The following CNTLN variants were observed in gnomAD, a reference collection of about 807,000 sequenced individuals.
The protein encoded by CNTLN is centlein, centrosomal protein.
A neutral mutation model predicts 180.0 loss-of-function variants in CNTLN; 212 were observed. The ratio of observed to expected loss-of-function variants is 1.18; its 90% CI spans 1.05 to 1.32. CNTLN has a LOEUF of 1.32. Among genes scored for constraint, CNTLN ranks in the 40% most tolerant of loss-of-function variants. CNTLN has a pLI of 0.00. For synonymous variants in CNTLN, 722 were observed against 563.1 expected (o/e 1.28, Z -3.99); for missense variants, 2,095 against 1,610.9 (o/e 1.30, Z -5.14).
At chr9:17,324,892 G>C (rs1820160292) in intron 8 of CNTLN, among the ~76,000 whole-genome samples, 1 of 151,986 alleles carries the variant, frequency 6.6e-6, no homozygotes, top group South Asian at 2.1e-4. Flanking sequence ...GATGGTGATA[G>C]TTTATTTTTT....
At chr9:17,247,834 CTTT>C (rs1217713916) in intron 5 of CNTLN, among the ~76,000 whole-genome samples, 7 of 95,518 alleles carry the variant, frequency 7.3e-5, no homozygotes, top group Non-Finnish European at 1.1e-4. Flanking sequence ...TCTGTTCTTT[CTTT>C]TTTTTTTTTT....
intron 2 of CNTLN, among the ~76,000 whole-genome samples, chr9:17,154,336 T>A (rs137984894): frequency 6.6e-6 from 1 of 152,272 alleles, no homozygotes; most frequent in East Asian, 1.9e-4. Flanking sequence ...TTGGATGGGG[T>A]CTTTGAGTGG....
intron 6 of CNTLN, among the ~76,000 whole-genome samples, chr9:17,291,428 G>A (rs1000678719): frequency 7.2e-5 from 11 of 152,104 alleles, no homozygotes; most frequent in Admixed American, 4.6e-4. Flanking sequence ...CACTATTATT[G>A]TGTGGGAGTC....
rs184212398 is a variant in CNTLN at position 17,153,774 on chromosome 9, G to A, written c.449+10398G>A. 6.3e-3 allele frequency among the ~76,000 whole-genome samples: 961 copies of A among 152,190 alleles called. 6 individuals are homozygous for A. Among genetic ancestry groups the A allele is most frequent in the Admixed American group, 8.6e-3 (131 of 15,286 alleles). On this transcript the variant is annotated intron_variant, in intron 2 of 25. Transcript: ENST00000380647. ...TTTCCAACTCGGTTCCATTCTCTCCGTCACTTTCAGGTACACCAATCAAAT... is the reference window on the plus strand; with the variant it reads ...TTTCCAACTCGGTTCCATTCTCTCCATCACTTTCAGGTACACCAATCAAAT...
At position 17,321,165 on chromosome 9, in the gene CNTLN, C is replaced by T. The variant is rs190412498; in HGVS notation, c.1342-9467C>T. ...TGTTTGCTTACAGATACATATGACC[C>T]TTTAAATATATGTTAGGGAATGAGT... On this transcript the variant is annotated intron_variant, in intron 8 of 25. Transcript: ENST00000380647. 5.3e-5 allele frequency among the ~76,000 whole-genome samples: 8 copies of T among 152,156 alleles called. No homozygotes were observed. In the East Asian group the frequency reaches 1.5e-3, roughly 29 times the overall value.
intron 15 of CNTLN, among the ~76,000 whole-genome samples, chr9:17,398,668 T>C (rs1023210611): frequency 3.3e-5 from 5 of 152,194 alleles, no homozygotes; most frequent in African/African-American, 4.8e-5. Flanking sequence ...TTCTTTTTTA[T>C]TTGCCGCCTG....
chr9:17,295,818 A>G (rs1183393710), intron 6 of CNTLN, among the ~76,000 whole-genome samples: 2 of 152,078 alleles, frequency 1.3e-5, no homozygotes, highest in Non-Finnish European at 2.9e-5. Context: ...AAATAAACAT[A>G]TCTACATAGT....
At chr9:17,519,364 A>T in the CNTLN span, among the ~76,000 whole-genome samples, 1 of 152,064 alleles carries the variant, frequency 6.6e-6, no homozygotes, top group Admixed American at 6.5e-5. Flanking sequence ...TTAATTTAAC[A>T]TGGTACTCAC....
At chr9:17,366,056 A>G (rs1156937391) in intron 12 of CNTLN, among the ~76,000 whole-genome samples, 1 of 152,214 alleles carries the variant, frequency 6.6e-6, no homozygotes, top group Non-Finnish European at 1.5e-5. Flanking sequence ...GAAATAACTT[A>G]CTTAAAACAT....
intron 18 of CNTLN, among the ~76,000 whole-genome samples, 184 bp downstream of exon 18, chr9:17,416,373 G>T (rs1028529818): frequency 1.2e-4 from 19 of 152,096 alleles, no homozygotes; most frequent in Admixed American, 1.1e-3. Context: ...CCATATTAAA[G>T]GATAACATAC....
At chr9:17,149,530 T>TC (rs1382836548) in intron 2 of CNTLN, among the ~76,000 whole-genome samples, 14 of 147,060 alleles carry the variant, frequency 9.5e-5, no homozygotes, top group Admixed American at 8.8e-4. Flanking sequence ...TTTTTTTTTT[T>TC]TTTTAGAGAC....
At chr9:17,370,233 C>G (rs1222772591) in intron 13 of CNTLN, among the ~76,000 whole-genome samples, 2 of 151,904 alleles carry the variant, frequency 1.3e-5, no homozygotes, top group Non-Finnish European at 2.9e-5. Flanking sequence ...CAGGTTTAAC[C>G]CAAAAAAGAC....
chr9:17,141,302 C>G (rs540406770), intron 1 of CNTLN, among the ~76,000 whole-genome samples: 1 of 152,054 alleles, frequency 6.6e-6, no homozygotes, highest in African/African-American at 2.4e-5. Context: ...AAAATTGTAA[C>G]TGGAAAAGGG....
intron 5 of CNTLN, among the ~76,000 whole-genome samples, chr9:17,267,407 C>T (rs550934919): frequency 2.6e-4 from 39 of 152,214 alleles, no homozygotes; most frequent in African/African-American, 7.2e-4. Flanking sequence ...CCGAGAGCTC[C>T]GCTGTTCGTC....
intron 25 of CNTLN, among the ~76,000 whole-genome samples, chr9:17,501,586 C>T (rs1833757684): frequency 6.6e-6 from 1 of 152,246 alleles, no homozygotes; most frequent in South Asian, 2.1e-4. Flanking sequence ...GTGATGCTGT[C>T]AGTCGTCCAT....
chr9:17,295,688 T>C (rs1203529343), intron 6 of CNTLN, among the ~76,000 whole-genome samples: 2 of 152,154 alleles, frequency 1.3e-5, no homozygotes, highest in African/African-American at 2.4e-5. Flanking sequence ...TCTGGACAAA[T>C]TCAGTGCTTT....
chr9:17,443,982 A>G (rs1489210750), intron 18 of CNTLN, among the ~76,000 whole-genome samples: 1 of 152,222 alleles, frequency 6.6e-6, no homozygotes, highest in Admixed American at 6.5e-5. Context: ...CTGATAATAG[A>G]AAACTGAGAA....
chr9:17,297,492 A>G (rs1818031464), intron 6 of CNTLN, among the ~76,000 whole-genome samples: 1 of 152,204 alleles, frequency 6.6e-6, no homozygotes. Context: ...AACCACAGCA[A>G]TCTGGAAACC....
chr9:17,279,683 T>C (rs1402343684), intron 6 of CNTLN, among the ~76,000 whole-genome samples: 2 of 151,920 alleles, frequency 1.3e-5, no homozygotes, highest in Non-Finnish European at 2.9e-5. Context: ...CCTCTGTTAG[T>C]GTTTCCTGTC....
Sources: gnomAD v4.1 joint callset for allele counts (sites outside exome capture counted in the v4.1 genomes callset) on GRCh38, gnomAD v4.1.1 for gene constraint, MANE v1.5 for transcripts, NCBI Gene and HGNC (gene_info 2026-07-23, HGNC 2026-07-21) for gene names.